The following ENOX2 variants were observed in gnomAD, a reference collection of about 807,000 sequenced individuals.
The protein encoded by ENOX2 is APK1 antigen.
A neutral mutation model predicts 45.0 loss-of-function variants in ENOX2; 36 were observed. The observed-to-expected ratio is 0.80, with a 90% CI of 0.61 to 1.06. The LOEUF is 1.06. Among genes scored for constraint, ENOX2 ranks in the 50% least tolerant of loss-of-function variants. The pLI is 0.00. For missense variants in ENOX2, 423 were observed against 462.5 expected (o/e 0.91, Z 0.78); for synonymous variants, 174 against 152.3 (o/e 1.14, Z -1.05).
intron 3 of ENOX2, among the ~76,000 whole-genome samples, chrX:130,707,821 T>C (rs2038079533): frequency 8.9e-6 from 1 of 112,190 alleles, no homozygotes; most frequent in African/African-American, 3.2e-5. Context: ...AGAGCATTGG[T>C]CTGGGAGTCA....
At chrX:130,827,861 C>T (rs778877734) in intron 2 of ENOX2, among the ~76,000 whole-genome samples, 46 of 111,686 alleles carry the variant, frequency 4.1e-4, no homozygotes, top group African/African-American at 1.5e-3. Flanking sequence ...TCTAAATACA[C>T]AAATACTGGT....
chrX:130,784,966 T>C (rs1485269303), intron 2 of ENOX2, among the ~76,000 whole-genome samples: 1 of 107,733 alleles, frequency 9.3e-6, no homozygotes, highest in Non-Finnish European at 1.9e-5. Context: ...AAATTGTCAG[T>C]TAAAAAAAAA....
intron 3 of ENOX2, among the ~76,000 whole-genome samples, chrX:130,735,771 T>C (rs1019374955): frequency 1.3e-4 from 14 of 111,972 alleles, no homozygotes; most frequent in Non-Finnish European, 2.6e-4. Context: ...ATTTATATAA[T>C]GGAAATCTTT....
intron 12 of ENOX2, among the ~76,000 whole-genome samples, chrX:130,632,653 G>T (rs185754526): frequency 1.6e-3 from 174 of 111,605 alleles, no homozygotes; most frequent in Non-Finnish European, 2.5e-3. Flanking sequence ...CCCTTAGAAG[G>T]GACAGGATTC....
At chrX:130,849,913 C>A (rs1017371297) in intron 2 of ENOX2, among the ~76,000 whole-genome samples, 3 of 111,502 alleles carry the variant, frequency 2.7e-5, no homozygotes, top group Non-Finnish European at 5.7e-5. Flanking sequence ...AAGGTCATAA[C>A]AGGCTCATAA....
At chrX:130,871,091 G>C (rs958027018) in intron 2 of ENOX2, among the ~76,000 whole-genome samples, 1 of 111,591 alleles carries the variant, frequency 9.0e-6, no homozygotes, top group Non-Finnish European at 1.9e-5. Context: ...CCAGTACCAT[G>C]AGCTAAGGCT....
chrX:130,763,621 C>A (rs1306947245), intron 3 of ENOX2, among the ~76,000 whole-genome samples: 4 of 110,985 alleles, frequency 3.6e-5, no homozygotes, highest in Admixed American at 9.6e-5. Flanking sequence ...GTAATCCTAG[C>A]ACTTTGGGAG....
chrX:130,715,186 C>T (rs2038294736), intron 3 of ENOX2, among the ~76,000 whole-genome samples: 2 of 111,170 alleles, frequency 1.8e-5, no homozygotes, highest in African/African-American at 6.5e-5. Flanking sequence ...TGTTGACTTG[C>T]TGTGTAAGTC....
intron 2 of ENOX2, among the ~76,000 whole-genome samples, chrX:130,825,289 A>G (rs1230975078): frequency 9.0e-6 from 1 of 111,672 alleles, no homozygotes; most frequent in Admixed American, 9.5e-5. Flanking sequence ...TTTTACAAAC[A>G]TTTAAACTAT....
intron 2 of ENOX2, among the ~76,000 whole-genome samples, chrX:130,854,933 T>C: frequency 9.0e-6 from 1 of 111,667 alleles, no homozygotes; most frequent in East Asian, 2.8e-4. Flanking sequence ...GTTAAAAGCA[T>C]CTACAAAAAA....
intron 3 of ENOX2, among the ~76,000 whole-genome samples, chrX:130,750,979 G>C (rs2039206713): frequency 9.0e-6 from 1 of 111,295 alleles, no homozygotes; most frequent in South Asian, 3.8e-4. Flanking sequence ...GTCTGTCTGT[G>C]TTTATTCTTT....
At chrX:130,680,623 T>C (rs186357230) in intron 5 of ENOX2, among the ~76,000 whole-genome samples, 1 of 112,532 alleles carries the variant, frequency 8.9e-6, no homozygotes, top group East Asian at 2.8e-4. Flanking sequence ...AGCAAACTCC[T>C]ACAGTTTGTA....
intron 3 of ENOX2, among the ~76,000 whole-genome samples, chrX:130,755,113 C>G (rs1412429273): frequency 8.9e-6 from 1 of 111,784 alleles, no homozygotes; most frequent in Non-Finnish European, 1.9e-5. Context: ...TCAGCACAAT[C>G]ACTTGATTTT....
chrX:130,645,029 C>T (rs924604845), intron 10 of ENOX2, among the ~76,000 whole-genome samples: 1 of 111,128 alleles, frequency 9.0e-6, no homozygotes, highest in East Asian at 2.8e-4. Flanking sequence ...AGAGATTATA[C>T]GGAAACTCTC....
At chrX:130,635,859 T>G (rs1253667407) in intron 11 of ENOX2, among the ~76,000 whole-genome samples, 1 of 112,468 alleles carries the variant, frequency 8.9e-6, no homozygotes, top group African/African-American at 3.2e-5. Flanking sequence ...AGGCATTTTT[T>G]TCAATACAAA....
At position 130,674,885 on chromosome X, in the gene ENOX2, T is replaced by G. The variant is rs1021908512; in HGVS notation, c.460+4657A>C. Among the ~76,000 whole-genome samples, 5 of 96,488 alleles carry G rather than the reference T, an allele frequency of 5.2e-5. No homozygotes were observed. The Admixed American group carries it at 5.8e-4, about 11-fold the overall frequency. The allele number at this position is 96,488 out of a possible 115,157, so 83.8% of individuals were successfully genotyped here. A position where few individuals can be genotyped will look rare whatever the true frequency, so the allele number is the denominator to read the frequency against. On this transcript the variant is annotated intron_variant, in intron 6 of 14. Transcript: ENST00000394363. Reference sequence around the variant, plus strand: ...CATGCGGTGTTTGGTTTTTTGTCCTTGTGATAGTTTACTGAGAATGATGAT... The same window carrying G: ...CATGCGGTGTTTGGTTTTTTGTCCTGGTGATAGTTTACTGAGAATGATGAT...
intron 3 of ENOX2, among the ~76,000 whole-genome samples, chrX:130,722,870 G>C (rs966429086): frequency 8.9e-6 from 1 of 112,390 alleles, no homozygotes; most frequent in Non-Finnish European, 1.9e-5. Context: ...GGCTACACTT[G>C]GTATGTAGTA....
intron 2 of ENOX2, among the ~76,000 whole-genome samples, chrX:130,865,838 T>G (rs771232376): frequency 9.0e-6 from 1 of 111,336 alleles, no homozygotes; most frequent in Non-Finnish European, 1.9e-5. Flanking sequence ...CAGGGGCTCC[T>G]CCTATCATAT....
intron 2 of ENOX2, among the ~76,000 whole-genome samples, chrX:130,885,645 G>A (rs2078889517): frequency 1.8e-5 from 2 of 111,972 alleles, no homozygotes; most frequent in Admixed American, 1.9e-4. Context: ...GTGGAATTGA[G>A]AGCTGGCAAG....
Sources: gnomAD v4.1 joint callset for allele counts (sites outside exome capture counted in the v4.1 genomes callset) on GRCh38, gnomAD v4.1.1 for gene constraint, MANE v1.5 for transcripts, NCBI Gene and HGNC (gene_info 2026-07-23, HGNC 2026-07-21) for gene names.